HTT: variants seen among roughly 807,000 people sequenced by gnomAD.
HTT encodes the protein huntington disease protein.
Under a neutral mutation model 362.3 loss-of-function variants are expected in HTT, and 104 were observed. That is an observed-to-expected ratio of 0.29 (90% CI 0.24 to 0.34). The LOEUF is 0.34. HTT is among the 10% of genes least tolerant of loss of function. The pLI is 1.00. For missense variants in HTT, 3,301 were observed against 3,928.6 expected, an observed-to-expected ratio of 0.84 and a Z score of 4.27; for synonymous variants, 1,577 against 1,548.7, an observed-to-expected ratio of 1.02 and a Z score of -0.43.
chr4:3,130,092 G>C (rs1309129457), intron 13 of HTT, 45 bp downstream of exon 13: 1 of 1,523,048 alleles, frequency 6.6e-7, no homozygotes, highest in African/African-American at 1.4e-5. Context: ...TTTGTATTCA[G>C]ACCTGGACAT....
chr4:3,095,189 A>G (rs1345536488), intron 2 of HTT, among the ~76,000 whole-genome samples: 2 of 152,186 alleles, frequency 1.3e-5, no homozygotes, highest in Non-Finnish European at 2.9e-5. Context: ...TGGGAGGTGA[A>G]GGTTGTAGTG....
intron 13 of HTT, 42 bp from the exon 14 acceptor site, chr4:3,130,263 G>A: frequency 8.1e-7 from 1 of 1,230,176 alleles, no homozygotes; most frequent in Non-Finnish European, 1.2e-6. Context: ...TGTATTTTAA[G>A]TGGAAATTTG....
rs756238747 is a variant in HTT, at chr4:3,160,302, C to T, written c.3774C>T (p.Asn1258=). 40 of 1,551,920 alleles carry T rather than the reference C, an allele frequency of 2.6e-5. 1 individual carries two copies. In the Admixed American group the frequency reaches 7.1e-4, roughly 27 times the overall value. The part of the protein sequence containing the change: ...ANYKVTLDLQ[N]STEKFGGFLR... The stretch of plus-strand genomic sequence containing the variant: ...CCAAGGTCACGCTGGATCTTCAGAA[C>T]AGCACGGAAAAGTTTGGAGGGTTTC... The change falls in exon 29 of 67, where the codon AAC becomes AAT. Residue 1258 remains asparagine, a synonymous_variant. Transcript: ENST00000355072.
At chr4:3,096,294 G>A (rs974368802) in intron 2 of HTT, among the ~76,000 whole-genome samples, 3 of 152,164 alleles carry the variant, frequency 2.0e-5, no homozygotes, top group East Asian at 1.9e-4. Context: ...TTCAGTAGCC[G>A]CTCTCAATGA....
intron 8 of HTT, among the ~76,000 whole-genome samples, chr4:3,120,630 T>G (rs184132057): frequency 6.6e-6 from 1 of 152,234 alleles, no homozygotes; most frequent in Non-Finnish European, 1.5e-5. Flanking sequence ...TATTGTGAAC[T>G]GCACATGTGA....
chr4:3,164,580 C>G (rs1171570821), intron 29 of HTT, among the ~76,000 whole-genome samples: 2 of 152,164 alleles, frequency 1.3e-5, no homozygotes, highest in African/African-American at 4.8e-5. Flanking sequence ...TCTCTAAGAA[C>G]TTGCTTCATG....
At position 3,154,210 on chromosome 4, in the gene HTT, C is replaced by G. The variant is rs144516511; in HGVS notation, c.3499-83C>G. 5.1e-6 allele frequency: 6 copies of G among 1,187,594 alleles called. No homozygotes were observed. The East Asian group carries it at 1.5e-4, about 30-fold the overall frequency. The allele number at this position is 1,187,594 out of a possible 1,614,324, so 73.6% of individuals were successfully genotyped here. On this transcript the variant is annotated intron_variant, in intron 26 of 66. Transcript: ENST00000355072. ...AGCTCTTTTTAATAAATGGTAAAAC[C>G]AAATATTCTAATTTTCAGTTTTGTT...
rs760862765 is a variant in HTT at position 3,145,134 on chromosome 4, T to G, written c.3067-18T>G. 1.9e-6 allele frequency: 3 copies of G among 1,591,196 alleles called. No homozygotes were observed. In the South Asian group the frequency reaches 3.3e-5, roughly 18 times the overall value. ...TTTGTGGTGTTTGGGTGTGATTTTATTGTTTCTTTCTTCTCAGTTTGGATG... is the reference window on the plus strand; with the variant it reads ...TTTGTGGTGTTTGGGTGTGATTTTAGTGTTTCTTTCTTCTCAGTTTGGATG... On this transcript the variant is annotated intron_variant, in intron 23 of 66. Transcript: ENST00000355072.
intron 8 of HTT, among the ~76,000 whole-genome samples, chr4:3,116,683 G>GA (rs1715044495): frequency 6.6e-6 from 1 of 152,186 alleles, no homozygotes; most frequent in Non-Finnish European, 1.5e-5. Flanking sequence ...GTCTAGGCAC[G>GA]GTGGTATATG....
chr4:3,237,117 A>G (rs923895368), intron 64 of HTT, among the ~76,000 whole-genome samples: 1 of 151,414 alleles, frequency 6.6e-6, no homozygotes, highest in Non-Finnish European at 1.5e-5. Flanking sequence ...CTTGTCACCC[A>G]GGCTGGAGTG....
In HTT at chr4:3,173,243, T is replaced by G; in HGVS notation, c.4166+112T>G. ...TGTTAGCGAACATCTTCTAATAGTCTGCTGTATTCAGAGAACTCTAGGAGA... is the reference window on the plus strand; with the variant it reads ...TGTTAGCGAACATCTTCTAATAGTCGGCTGTATTCAGAGAACTCTAGGAGA... On this transcript the variant is annotated intron_variant, in intron 31 of 66. Coordinates refer to ENST00000355072, the MANE Select transcript of HTT (RefSeq NM_001388492.1). 3 of 796,932 alleles carry G rather than the reference T, an allele frequency of 3.8e-6. No individual in the cohort carries two copies. In the South Asian group the frequency reaches 4.7e-5, roughly 13 times the overall value. 49.4% of individuals were successfully genotyped at this position (796,932 alleles called of 1,614,324 possible). A position where few individuals can be genotyped will look rare whatever the true frequency, so the allele number is the denominator to read the frequency against.
Position 3,106,893 on chromosome 4 carries a change from C to T in HTT, c.609-392C>T, listed in dbSNP as rs201136442. 1.4e-4 allele frequency among the ~76,000 whole-genome samples: 22 copies of T among 152,322 alleles called. No homozygotes were observed. In the East Asian group the frequency reaches 4.0e-3, roughly 28 times the overall value. ...CTCACTGCTCTGTGTCCTACACATTCGGCTTTTCTTCTCTCCCCACAACCC... is the reference window on the plus strand; with the variant it reads ...CTCACTGCTCTGTGTCCTACACATTTGGCTTTTCTTCTCTCCCCACAACCC... On this transcript the variant is annotated intron_variant, in intron 5 of 66. Coordinates refer to ENST00000355072, the MANE Select transcript of HTT (RefSeq NM_001388492.1).
At chr4:3,171,472 CTT>C (rs11408847) in intron 29 of HTT, among the ~76,000 whole-genome samples, 24 of 132,938 alleles carry the variant, frequency 1.8e-4, no homozygotes, top group Admixed American at 4.5e-4. Context: ...TTTCTTGATT[CTT>C]TTTTTTTTTT....
intron 1 of HTT, 81 bp from the exon 2 acceptor site, chr4:3,086,858 C>CTGAA: frequency 1.4e-6 from 1 of 739,388 alleles, no homozygotes; most frequent in Non-Finnish European, 2.4e-6. Flanking sequence ...GAAACACTCA[C>CTGAA]TGAATGAATG....
At chr4:3,165,400 C>T (rs942219390) in intron 29 of HTT, among the ~76,000 whole-genome samples, 2 of 152,076 alleles carry the variant, frequency 1.3e-5, no homozygotes, top group African/African-American at 2.4e-5. Flanking sequence ...TGGGGTTGCT[C>T]TTCTCGAGGA....
In HTT at chr4:3,236,330, C is replaced by T. The variant is rs185271175; in HGVS notation, c.8891+76C>T. The stretch of plus-strand genomic sequence containing the variant: ...CCTGAAGCTGTGCTTTTGTGTGTGT[C>T]TGCTGATCCCCTGGCGCTGTTGCTG... On this transcript the variant is annotated intron_variant, in intron 64 of 66. Transcript: ENST00000355072. 6.7e-5 allele frequency: 66 copies of T among 986,072 alleles called. 1 individual carries two copies. The African/African-American group carries it at 9.2e-4, about 14-fold the overall frequency. 61.1% of individuals were successfully genotyped at this position (986,072 alleles called of 1,614,324 possible). A position where few individuals can be genotyped will look rare whatever the true frequency, so the allele number is the denominator to read the frequency against.
intron 51 of HTT, 145 bp downstream of exon 51, chr4:3,215,356 G>A (rs1720349082): frequency 1.6e-6 from 1 of 627,298 alleles, no homozygotes; most frequent in Non-Finnish European, 2.8e-6. Flanking sequence ...CTAGCTGTCA[G>A]GGAGGCTGTA....
intron 2 of HTT, among the ~76,000 whole-genome samples, chr4:3,097,348 T>C (rs958530495): frequency 2.0e-5 from 3 of 152,018 alleles, no homozygotes; most frequent in African/African-American, 7.2e-5. Flanking sequence ...AAGGACTGTA[T>C]GAGGCAGGTG....
Position 3,188,173 on chromosome 4 carries a change from G to C in HTT, c.5225+287G>C, listed in dbSNP as rs1718854143. ...AGTGGGGTGGCTGTCCTGGGGGCAGGCAGTAGGGGCACGCTGACGTCAGGG... is the reference window on the plus strand; with the variant it reads ...AGTGGGGTGGCTGTCCTGGGGGCAGCCAGTAGGGGCACGCTGACGTCAGGG... On this transcript the variant is annotated intron_variant, in intron 39 of 66. Transcript: ENST00000355072. 4 of 279,272 alleles carry C rather than the reference G, an allele frequency of 1.4e-5. No homozygotes were observed. The South Asian group carries it at 2.0e-4, about 14-fold the overall frequency. The allele number at this position is 279,272 out of a possible 1,614,324, so 17.3% of individuals were successfully genotyped here.
Sources: gnomAD v4.1 joint callset for allele counts (sites outside exome capture counted in the v4.1 genomes callset) on GRCh38, gnomAD v4.1.1 for gene constraint, MANE v1.5 for transcripts, NCBI Gene and HGNC (gene_info 2026-07-23, HGNC 2026-07-21) for gene names.